The following PPFIA2 variants were observed in gnomAD, a reference collection of about 807,000 sequenced individuals.
PPFIA2 encodes the protein liprin-alpha-2.
PPFIA2 carries 46 observed loss-of-function variants against 175.5 expected under a neutral mutation model. That is an observed-to-expected ratio of 0.26 (90% CI 0.21 to 0.34). The LOEUF (loss-of-function observed/expected upper bound fraction) is 0.34. Ranked by LOEUF, PPFIA2 falls within the 10% of genes least tolerant of loss-of-function variation. PPFIA2 has a pLI of 1.00. For synonymous variants in PPFIA2, 568 were observed against 511.4 expected (o/e 1.11, Z -1.49); for missense variants, 1,179 against 1,506.1 (o/e 0.78, Z 3.60).
intron 4 of PPFIA2, among the ~76,000 whole-genome samples, chr12:81,527,541 CT>C (rs1412390421): frequency 3.9e-5 from 6 of 152,098 alleles, no homozygotes; most frequent in African/African-American, 1.4e-4. Flanking sequence ...TCTTTACTTC[CT>C]TTTTTGAGTT....
At chr12:81,299,483 G>C in intron 22 of PPFIA2, 101 bp from the exon 23 acceptor site, 2 of 1,405,134 alleles carry the variant, frequency 1.4e-6, no homozygotes. Context: ...TCCTTTACAA[G>C]ATTTTTTATG....
chr12:81,264,357 G>C (rs1410908037), intron 30 of PPFIA2, among the ~76,000 whole-genome samples: 4 of 152,146 alleles, frequency 2.6e-5, no homozygotes, highest in African/African-American at 9.7e-5. Context: ...TTGGCAAGTA[G>C]CAATATATAA....
At chr12:81,630,597 C>A (rs2063259756) in intron 4 of PPFIA2, among the ~76,000 whole-genome samples, 1 of 152,018 alleles carries the variant, frequency 6.6e-6, no homozygotes, top group Admixed American at 6.6e-5. Context: ...CTTTTGGAAG[C>A]CTAATAGTCT....
chr12:81,739,764 C>T (rs765243120), intron 3 of PPFIA2, among the ~76,000 whole-genome samples: 3 of 151,784 alleles, frequency 2.0e-5, no homozygotes, highest in African/African-American at 4.8e-5. Flanking sequence ...ATTAATTTAC[C>T]GTACATAGAA....
chr12:81,375,112 A>G (rs537659997), intron 10 of PPFIA2, among the ~76,000 whole-genome samples: 2 of 152,084 alleles, frequency 1.3e-5, no homozygotes, highest in Non-Finnish European at 2.9e-5. Flanking sequence ...TTTAGACTGG[A>G]GTTGGAGAGG....
At chr12:81,489,480 C>T (rs2059195232) in intron 4 of PPFIA2, among the ~76,000 whole-genome samples, 1 of 151,788 alleles carries the variant, frequency 6.6e-6, no homozygotes, top group African/African-American at 2.4e-5. Context: ...AGAGAAAAAT[C>T]ATTAGACAGT....
At chr12:81,324,406 T>C (rs1166464056) in intron 22 of PPFIA2, among the ~76,000 whole-genome samples, 2 of 152,032 alleles carry the variant, frequency 1.3e-5, no homozygotes, top group African/African-American at 4.8e-5. Context: ...GTGAAAGCTG[T>C]TCAGATTGCC....
At chr12:81,512,205 C>T (rs2061875409) in intron 4 of PPFIA2, 2 of 631,738 alleles carry the variant, frequency 3.2e-6, no homozygotes, top group Non-Finnish European at 5.0e-6. Flanking sequence ...GTCTTATCAT[C>T]CCTTACTTAA....
At chr12:81,301,140 G>A (rs1707619786) in intron 22 of PPFIA2, among the ~76,000 whole-genome samples, 1 of 152,028 alleles carries the variant, frequency 6.6e-6, no homozygotes, top group South Asian at 2.1e-4. Context: ...GGGCAGGTAG[G>A]AAAGAGGTGG....
At chr12:81,622,024 CA>C (rs920442136) in intron 4 of PPFIA2, among the ~76,000 whole-genome samples, 2 of 152,028 alleles carry the variant, frequency 1.3e-5, no homozygotes, top group Admixed American at 6.6e-5. Flanking sequence ...AAGGAAGTAG[CA>C]AAAAATCATA....
intron 22 of PPFIA2, among the ~76,000 whole-genome samples, chr12:81,315,620 A>C (rs1312374646): frequency 6.6e-6 from 1 of 151,812 alleles, no homozygotes; most frequent in African/African-American, 2.4e-5. Context: ...TGATGACAAG[A>C]TTCAGAATAG....
At chr12:81,524,336 G>A (rs916352747) in intron 4 of PPFIA2, among the ~76,000 whole-genome samples, 18 of 152,200 alleles carry the variant, frequency 1.2e-4, no homozygotes, top group African/African-American at 4.3e-4. Context: ...GCCCAGTAAA[G>A]CTGAGAAGAT....
intron 4 of PPFIA2, among the ~76,000 whole-genome samples, chr12:81,629,646 A>T (rs1282212864): frequency 1.3e-5 from 2 of 152,176 alleles, no homozygotes; most frequent in African/African-American, 4.8e-5. Flanking sequence ...ATCACACTAA[A>T]CATTAACCTT....
intron 4 of PPFIA2, among the ~76,000 whole-genome samples, chr12:81,532,363 C>A (rs774902806): frequency 6.6e-6 from 1 of 151,682 alleles, no homozygotes; most frequent in Non-Finnish European, 1.5e-5. Flanking sequence ...ATCATATAGT[C>A]CCTGAGAGAC....
At chr12:81,476,488 T>C (rs1223121110) in intron 4 of PPFIA2, among the ~76,000 whole-genome samples, 1 of 152,230 alleles carries the variant, frequency 6.6e-6, no homozygotes, top group African/African-American at 2.4e-5. Context: ...TGATTAAATG[T>C]GACATAAAAA....
chr12:81,720,045 TAA>T (rs5799551), intron 3 of PPFIA2, among the ~76,000 whole-genome samples: 1 of 150,550 alleles, frequency 6.6e-6, no homozygotes, highest in Non-Finnish European at 1.5e-5. Flanking sequence ...TTAGTAAATT[TAA>T]AAAAAAATGT....
intron 4 of PPFIA2, among the ~76,000 whole-genome samples, chr12:81,508,598 T>C (rs927261260): frequency 4.0e-5 from 6 of 149,082 alleles, no homozygotes; most frequent in South Asian, 4.3e-4. Flanking sequence ...TTCTTTTTTT[T>C]TCTCTCTTTT....
At chr12:81,446,716 A>C (rs2051343507) in intron 5 of PPFIA2, among the ~76,000 whole-genome samples, 1 of 152,210 alleles carries the variant, frequency 6.6e-6, no homozygotes, top group African/African-American at 2.4e-5. Flanking sequence ...AGATTTAAAA[A>C]CAGATATAAG....
intron 4 of PPFIA2, among the ~76,000 whole-genome samples, chr12:81,595,500 G>A (rs1454182253): frequency 6.6e-6 from 1 of 151,930 alleles, no homozygotes; most frequent in Non-Finnish European, 1.5e-5. Context: ...ATCATCCAGG[G>A]TCCAGGCACC....
Sources: allele counts gnomAD v4.1 joint callset (sites outside exome capture counted in the v4.1 genomes callset), GRCh38; gene constraint gnomAD v4.1.1; transcripts MANE v1.5; gene names NCBI Gene and HGNC (gene_info 2026-07-23, HGNC 2026-07-21).